The following LPGAT1 variants were observed in gnomAD, a reference collection of about 807,000 sequenced individuals.
The protein encoded by LPGAT1 is lysophosphatidylglycerol acyltransferase 1.
LPGAT1 carries 11 observed loss-of-function variants against 47.5 expected under a neutral mutation model. That is an observed-to-expected ratio of 0.23 (90% CI 0.15 to 0.38). LPGAT1 has a LOEUF of 0.38. LPGAT1 is among the 10% of genes least tolerant of loss of function. The pLI, the probability that LPGAT1 is intolerant of heterozygous loss-of-function variation, is 1.00. For synonymous variants in LPGAT1, 138 were observed against 144.2 expected (o/e 0.96, Z 0.31); for missense variants, 293 against 439.0 (o/e 0.67, Z 2.97).
At chr1:211,821,294 T>C (rs1238734155) in intron 2 of LPGAT1, among the ~76,000 whole-genome samples, 1 of 152,006 alleles carries the variant, frequency 6.6e-6, no homozygotes, top group Non-Finnish European at 1.5e-5. Context: ...AAAGACAAAT[T>C]CTGAAAATGT....
chr1:211,753,835 C>CTGAA (rs1397672145), intron 6 of LPGAT1, among the ~76,000 whole-genome samples: 1 of 152,176 alleles, frequency 6.6e-6, no homozygotes, highest in Non-Finnish European at 1.5e-5. Context: ...AGATGTGGGA[C>CTGAA]TGAATGGCTG....
At chr1:211,810,695 C>T (rs550959537) in intron 2 of LPGAT1, among the ~76,000 whole-genome samples, 1 of 152,156 alleles carries the variant, frequency 6.6e-6, no homozygotes, top group Admixed American at 6.5e-5. Context: ...TAATACAATA[C>T]ACACGAAAAT....
At chr1:211,792,163 G>A (rs1659150281) in intron 3 of LPGAT1, 1 of 151,496 alleles carries the variant, frequency 6.6e-6, no homozygotes, top group Non-Finnish European at 1.5e-5. Flanking sequence ...GCTCTTCACA[G>A]GCATGATCCC....
chr1:211,779,270 C>G (rs1658537916), intron 5 of LPGAT1, among the ~76,000 whole-genome samples: 1 of 152,062 alleles, frequency 6.6e-6, no homozygotes, highest in South Asian at 2.1e-4. Context: ...ACACTATTAT[C>G]TACTGGACAT....
chr1:211,830,081 GA>G lies in LPGAT1; in HGVS notation c.-28+491del. The G allele has an allele frequency of 1.0e-6, 1 of 973,014 alleles. No homozygotes were observed. The allele number at this position is 973,014 out of a possible 1,614,324, so 60.3% of individuals were successfully genotyped here. ...GAAGCAGGGGATGATGAAAGGGGCA[GA>G]GAAGAGGCGACCGCAGCGCGGGGAG... is the stretch of plus-strand genomic sequence containing the variant. On this transcript the variant is annotated intron_variant, in intron 1 of 7. Coordinates refer to ENST00000366997, the MANE Select transcript of LPGAT1 (RefSeq NM_014873.3). The surrounding 1 kb of genome is among the most constrained non-coding windows in gnomAD (Gnocchi z 5.9).
chr1:211,808,368 C>T (rs1241377384), intron 2 of LPGAT1, among the ~76,000 whole-genome samples: 1 of 144,650 alleles, frequency 6.9e-6, no homozygotes, highest in Non-Finnish European at 1.5e-5. Context: ...AAAAAAAAAC[C>T]TCTCAAAACT....
intron 6 of LPGAT1, among the ~76,000 whole-genome samples, chr1:211,760,610 A>G (rs1657657677): frequency 6.6e-6 from 1 of 152,244 alleles, no homozygotes; most frequent in South Asian, 2.1e-4. Context: ...TTTGGTACAA[A>G]GCAGTACTAA....
intron 6 of LPGAT1, among the ~76,000 whole-genome samples, chr1:211,757,636 G>T (rs762530731): frequency 2.0e-5 from 3 of 152,128 alleles, no homozygotes; most frequent in Non-Finnish European, 4.4e-5. Flanking sequence ...AGATAATAAA[G>T]TCAATACCAA....
chr1:211,830,392 G>A lies in LPGAT1; in HGVS notation c.-28+181C>T. On this transcript the variant is annotated intron_variant, in intron 1 of 7. Transcript: ENST00000366997. This position sits in a 1 kb window ranked among gnomAD's most constrained non-coding sequence, Gnocchi z 5.9. ...ACCTGTCACCCGGGCGGGTCCCGGGGAGGCGGGCGGATGCCCCGCGCCCCC... is the reference window on the plus strand; with the variant it reads ...ACCTGTCACCCGGGCGGGTCCCGGGAAGGCGGGCGGATGCCCCGCGCCCCC... 8.5e-7 allele frequency: 1 copy of A among 1,172,896 alleles called. No homozygotes were observed. The highest frequency in any genetic ancestry group is 1.1e-6 in the Non-Finnish European group (1 of 950,208). The allele number at this position is 1,172,896 out of a possible 1,614,324, so 72.7% of individuals were successfully genotyped here. A position where few individuals can be genotyped will look rare whatever the true frequency, so the allele number is the denominator to read the frequency against.
intron 6 of LPGAT1, among the ~76,000 whole-genome samples, chr1:211,772,349 G>A (rs1658206925): frequency 6.6e-6 from 1 of 152,122 alleles, no homozygotes; most frequent in South Asian, 2.1e-4. Flanking sequence ...TTGACATCTA[G>A]TAGGAAGAAC....
At chr1:211,802,355 C>G (rs973598186) in intron 2 of LPGAT1, among the ~76,000 whole-genome samples, 11 of 151,386 alleles carry the variant, frequency 7.3e-5, no homozygotes, top group Non-Finnish European at 1.5e-4. Flanking sequence ...TTGCCGGAGA[C>G]CTGAAAAAGG....
rs1236810793 is a variant in LPGAT1 at position 211,783,367 on chromosome 1, C to A, written c.589G>T (p.Ala197Ser). ...FLRKRRETSQAFAKKNNLPFL... is the reference protein window; with the variant it reads ...FLRKRRETSQSFAKKNNLPFL... ...GGCAAGTTATTTTTCTTGGCAAATG[C>A]CTGACTTGTTTCTCGCCTCTTCCTG... The change falls in exon 5 of 8, where the codon GCA becomes TCA. Residue 197 changes from alanine (A) to serine (S), a missense_variant. Transcript: ENST00000366997. 2 of 1,614,028 alleles carry A rather than the reference C, an allele frequency of 1.2e-6. No individual in the cohort carries two copies. Among genetic ancestry groups the A allele is most frequent in the Non-Finnish European group, 1.7e-6 (2 of 1,180,038 alleles).
intron 6 of LPGAT1, among the ~76,000 whole-genome samples, chr1:211,768,137 T>A (rs188829476): frequency 4.6e-5 from 7 of 152,216 alleles, no homozygotes; most frequent in African/African-American, 1.7e-4. Flanking sequence ...TATGAAAATC[T>A]AGACTATGTA....
chr1:211,794,438 A>G (rs146776866), intron 2 of LPGAT1, among the ~76,000 whole-genome samples: 16 of 152,194 alleles, frequency 1.1e-4, no homozygotes, highest in African/African-American at 3.9e-4. Context: ...AGTAGCTGGG[A>G]CTATACAGGT....
At chr1:211,815,105 G>A (rs1161169387) in intron 2 of LPGAT1, among the ~76,000 whole-genome samples, 1 of 152,124 alleles carries the variant, frequency 6.6e-6, no homozygotes, top group Non-Finnish European at 1.5e-5. Context: ...ATATCCCTAG[G>A]TGATAGCAGC....
In LPGAT1 at chr1:211,745,031, C is replaced by A. The variant is rs1429660540; in HGVS notation, c.*4868G>T. On this transcript the variant is annotated 3_prime_UTR_variant, in exon 8 of 8. Transcript: ENST00000366997. ...TTTTCTAGGTTTAAAAAAAATAGAA[C>A]CAGCTATTAATTTTTGTTGAGAAAA... The A allele has an allele frequency of 6.6e-6, 1 of 152,486 alleles. No homozygotes were observed. Among genetic ancestry groups the A allele is most frequent in the African/African-American group, 2.4e-5 (1 of 41,390 alleles). 9.4% of individuals were successfully genotyped at this position (152,486 alleles called of 1,614,324 possible). A position where few individuals can be genotyped will look rare whatever the true frequency, so the allele number is the denominator to read the frequency against.
At chr1:211,819,404 G>A (rs574041288) in intron 2 of LPGAT1, among the ~76,000 whole-genome samples, 9 of 152,206 alleles carry the variant, frequency 5.9e-5, no homozygotes, top group Admixed American at 3.9e-4. Flanking sequence ...AGATGGGAAC[G>A]ATCACTTGAG....
chr1:211,829,966 A>G (rs1238645632), intron 1 of LPGAT1: 40 of 985,328 alleles, frequency 4.1e-5, no homozygotes, highest in Non-Finnish European at 4.8e-5. Context: ...GAGGAAGGAC[A>G]GGAGTAGGGG....
At chr1:211,804,039 G>A (rs907863978) in intron 2 of LPGAT1, among the ~76,000 whole-genome samples, 2 of 151,996 alleles carry the variant, frequency 1.3e-5, no homozygotes, top group Admixed American at 6.6e-5. Flanking sequence ...GATTACAGGC[G>A]TGAGCCACCA....
Sources: allele counts gnomAD v4.1 joint callset (sites outside exome capture counted in the v4.1 genomes callset), GRCh38; gene constraint gnomAD v4.1.1; non-coding constraint Gnocchi (gnomAD v3.1); transcripts MANE v1.5; gene names NCBI Gene and HGNC (gene_info 2026-07-23, HGNC 2026-07-21).